The following PITPNB variants were observed in gnomAD, a reference collection of about 807,000 sequenced individuals.
The protein encoded by PITPNB is phosphatidylinositol transfer protein beta, also known as phosphatidylinositol transfer protein beta isoform.
Under a neutral mutation model 45.9 loss-of-function variants are expected in PITPNB, and 16 were observed. The observed-to-expected ratio is 0.35, with a 90% confidence interval of 0.24 to 0.53. The LOEUF is 0.53. PITPNB is among the 20% of genes least tolerant of loss of function. PITPNB has a pLI of 0.93. For missense variants in PITPNB, 188 were observed against 330.5 expected, an observed-to-expected ratio of 0.57 and a Z score of 3.34; for synonymous variants, 112 against 108.9, an observed-to-expected ratio of 1.03 and a Z score of -0.18.
At chr22:27,859,626 C>A (rs1934263041) in intron 9 of PITPNB, among the ~76,000 whole-genome samples, 1 of 152,168 alleles carries the variant, frequency 6.6e-6, no homozygotes, top group Non-Finnish European at 1.5e-5. Context: ...AATCTGGATC[C>A]TCAGATTGTG....
intron 1 of PITPNB, among the ~76,000 whole-genome samples, chr22:27,918,941 G>C (rs1936181513): frequency 6.6e-6 from 1 of 151,832 alleles, no homozygotes; most frequent in Admixed American, 6.6e-5. Flanking sequence ...CCGGGACCCA[G>C]CCGCCTTCGC....
intron 8 of PITPNB, among the ~76,000 whole-genome samples, chr22:27,872,777 C>A (rs929402844): frequency 1.3e-5 from 2 of 152,174 alleles, no homozygotes; most frequent in Non-Finnish European, 2.9e-5. Flanking sequence ...CTGCTCTGGG[C>A]ATGTTTAAGT....
In PITPNB at chr22:27,914,340, C is replaced by T. The variant is rs758399525; in HGVS notation, c.28G>A (p.Val10Ile). The change falls in exon 2 of 12, where the codon GTT (valine) becomes ATT (isoleucine). Residue 10 changes from valine to isoleucine, a missense_variant. Val to Ile is a conservative substitution (Grantham distance 29, BLOSUM62 3). Transcript: ENST00000335272. MVLIKEFRVVLPCSVQEYQV... is the reference protein window; with the variant it reads MVLIKEFRVILPCSVQEYQV... ...ACCTCCTGAACAGAACATGGCAAAA[C>T]CACACGGCTAAAAAGACAAAAGAAA... is the stretch of plus-strand genomic sequence containing the variant. The T allele has an allele frequency of 2.5e-6, 4 of 1,591,488 alleles. No homozygotes were observed. The highest frequency in any genetic ancestry group is 1.1e-5 in the South Asian group (1 of 90,248).
intron 8 of PITPNB, among the ~76,000 whole-genome samples, chr22:27,870,471 G>C (rs1227066104): frequency 2.0e-5 from 3 of 152,190 alleles, no homozygotes; most frequent in Non-Finnish European, 2.9e-5. Flanking sequence ...TCTGCTGAAG[G>C]GTATGTGTGG....
At chr22:27,914,485 T>C in intron 1 of PITPNB, 138 bp from the exon 2 acceptor site, 1 of 566,936 alleles carries the variant, frequency 1.8e-6, no homozygotes, top group Non-Finnish European at 3.1e-6. Flanking sequence ...GTGTCATTTA[T>C]GGAAGAGGGT....
chr22:27,916,173 C>T (rs1216913008), intron 1 of PITPNB, among the ~76,000 whole-genome samples: 1 of 152,200 alleles, frequency 6.6e-6, no homozygotes, highest in Non-Finnish European at 1.5e-5. Flanking sequence ...TTTAAGAACA[C>T]TTTCAAGGAA....
Position 27,858,368 on chromosome 22 carries a change from A to G in PITPNB, c.768+19T>C, listed in dbSNP as rs1055898908. On this transcript the variant is annotated intron_variant, in intron 10 of 11. Transcript: ENST00000335272. ...GAAAAGGGAAAATTAGAGAATTGCC[A>G]TAGAACAGCCAGTCTTACTGTTTCT... is the stretch of plus-strand genomic sequence containing the variant. The G allele has an allele frequency of 3.2e-6, 5 of 1,585,840 alleles. No homozygotes were observed. The African/African-American group carries it at 4.1e-5, about 13-fold the overall frequency.
intron 7 of PITPNB, among the ~76,000 whole-genome samples, chr22:27,888,898 G>A (rs1279599038): frequency 1.3e-5 from 2 of 152,246 alleles, no homozygotes; most frequent in East Asian, 3.8e-4. Context: ...CTCGAAGAGT[G>A]ACTGCCCTGG....
Position 27,896,438 on chromosome 22 carries a change from G to T in PITPNB, c.372+114C>A. 2.9e-5 allele frequency: 22 copies of T among 755,592 alleles called. No individual in the cohort carries two copies. The South Asian group carries it at 3.3e-4, about 11-fold the overall frequency. The allele number at this position is 755,592 out of a possible 1,614,324, so 46.8% of individuals were successfully genotyped here. On this transcript the variant is annotated intron_variant, in intron 6 of 11. Coordinates refer to ENST00000335272, the MANE Select transcript of PITPNB (RefSeq NM_012399.5). ...GCCCGCCTCATCTCAATTTGACACA[G>T]CTTGGTGCGGTCAGATACACAGGTG...
intron 3 of PITPNB, among the ~76,000 whole-genome samples, chr22:27,906,962 A>AGGGT (rs1935780252): frequency 2.0e-5 from 3 of 152,192 alleles, no homozygotes; most frequent in African/African-American, 7.2e-5. Context: ...GGGAAAGCAT[A>AGGGT]CAGGTCAGGG....
chr22:27,866,247 C>T (rs184791541), intron 8 of PITPNB, among the ~76,000 whole-genome samples: 20 of 152,256 alleles, frequency 1.3e-4, no homozygotes, highest in Admixed American at 6.5e-4. Context: ...GAAATGTTTC[C>T]AAAATTGTAT....
chr22:27,869,723 C>T (rs1199657001), intron 8 of PITPNB, among the ~76,000 whole-genome samples: 11 of 152,144 alleles, frequency 7.2e-5, no homozygotes, highest in Admixed American at 2.0e-4. Flanking sequence ...ATAACAATAA[C>T]GGTTAACATT....
At chr22:27,871,770 T>C (rs1473387669) in intron 8 of PITPNB, among the ~76,000 whole-genome samples, 1 of 152,200 alleles carries the variant, frequency 6.6e-6, no homozygotes, top group Admixed American at 6.5e-5. Context: ...TGAAATGTAA[T>C]CCCCAATGTT....
intron 8 of PITPNB, among the ~76,000 whole-genome samples, chr22:27,873,246 A>G (rs1213566984): frequency 6.6e-6 from 1 of 152,194 alleles, no homozygotes; most frequent in Non-Finnish European, 1.5e-5. Context: ...CAGCCTGGGC[A>G]ACAAGAGTGA....
At chr22:27,912,810 G>A (rs969769791) in intron 2 of PITPNB, among the ~76,000 whole-genome samples, 1 of 151,480 alleles carries the variant, frequency 6.6e-6, no homozygotes, top group Non-Finnish European at 1.5e-5. Flanking sequence ...GGTGAAACCC[G>A]GTCTCTAATA....
At chr22:27,875,150 AAAGAT>A (rs1342779294) in intron 7 of PITPNB, among the ~76,000 whole-genome samples, 1 of 152,258 alleles carries the variant, frequency 6.6e-6, no homozygotes, top group African/African-American at 2.4e-5. Context: ...AACTTTAAAG[AAAGAT>A]AAGTCTGTAA....
chr22:27,905,674 A>C (rs948500795), intron 3 of PITPNB, among the ~76,000 whole-genome samples: 5 of 152,258 alleles, frequency 3.3e-5, no homozygotes, highest in Admixed American at 6.5e-5. Context: ...TTTGGGAAAC[A>C]AGGTGGTTCT....
intron 7 of PITPNB, among the ~76,000 whole-genome samples, chr22:27,875,825 G>C (rs562814399): frequency 6.6e-6 from 1 of 152,080 alleles, no homozygotes; most frequent in African/African-American, 2.4e-5. Context: ...GGCTCCTAAA[G>C]AATCAGTCTA....
intron 3 of PITPNB, among the ~76,000 whole-genome samples, chr22:27,900,838 C>T (rs1935571183): frequency 6.6e-6 from 1 of 152,190 alleles, no homozygotes; most frequent in Non-Finnish European, 1.5e-5. Context: ...CAGCAGATTC[C>T]TCATTTGGAA....
Sources: gnomAD v4.1 joint callset for allele counts (sites outside exome capture counted in the v4.1 genomes callset) on GRCh38, gnomAD v4.1.1 for gene constraint, MANE v1.5 for transcripts, NCBI Gene and HGNC (gene_info 2026-07-23, HGNC 2026-07-21) for gene names.